Variants in FRMD7 observed in about 807,000 individuals in gnomAD.
The protein encoded by FRMD7 is FERM domain-containing protein 7.
In FRMD7, 14 loss-of-function variants were observed where a neutral mutation model predicts 44.1. The ratio of observed to expected loss-of-function variants is 0.32; its 90% CI spans 0.21 to 0.50. The LOEUF (loss-of-function observed/expected upper bound fraction) is 0.50. Among genes scored for constraint, FRMD7 ranks in the 20% least tolerant of loss-of-function variants. The probability of loss-of-function intolerance (pLI) is 0.99; values close to 1 mark genes in which losing one functional copy is unlikely to be tolerated. For missense variants in FRMD7, 501 were observed against 522.3 expected, an observed-to-expected ratio of 0.96 and a Z score of 0.40; for synonymous variants, 212 against 187.4, an observed-to-expected ratio of 1.13 and a Z score of -1.07.
At position 132,078,514 on chromosome X, in the gene FRMD7, C is replaced by T; in HGVS notation, c.1503G>A (p.Lys501=). 1.7e-6 allele frequency: 2 copies of T among 1,211,173 alleles called. No homozygotes were observed. Among genetic ancestry groups the T allele is most frequent in the Non-Finnish European group, 1.1e-6 (1 of 895,129 alleles). ...GGGACCATCTGGGCACCTGGGGTGG[C>T]TTGTCCACATAAAAAAAGACCTGGG... The part of the protein sequence containing the change: ...MPPQVFFYVD[K]PPQVPRWSPI... Residue 501 remains lysine (K), a synonymous_variant, in exon 12 of 12, where the codon AAG becomes AAA. Coordinates refer to ENST00000298542, the MANE Select transcript of FRMD7 (RefSeq NM_194277.3).
intron 1 of FRMD7, among the ~76,000 whole-genome samples, chrX:132,115,076 G>A (rs1395010451): frequency 1.8e-5 from 2 of 112,427 alleles, no homozygotes; most frequent in African/African-American, 6.5e-5. Flanking sequence ...TCCTGGGACT[G>A]CTTACAGCTC....
chrX:132,090,848 T>C (rs1390631202), intron 5 of FRMD7, among the ~76,000 whole-genome samples: 1 of 111,259 alleles, frequency 9.0e-6, no homozygotes, highest in Non-Finnish European at 1.9e-5. Flanking sequence ...TGCTTTTTTT[T>C]CTCTCCATAC....
chrX:132,078,805 C>T lies in FRMD7; in HGVS notation c.1212G>A (p.Leu404=). The T allele has an allele frequency of 1.7e-6, 2 of 1,211,144 alleles. No individual in the cohort carries two copies. The highest frequency in any genetic ancestry group is 1.1e-6 in the Non-Finnish European group (1 of 895,215). Residue 404 remains leucine, a synonymous_variant, in exon 12 of 12, where the codon TTG becomes TTA. Transcript: ENST00000298542. The stretch of plus-strand genomic sequence containing the variant: ...AGGAACTGCTTTGGGACTGATGTAG[C>T]AATGTGGGATCCGCCTCTGGTTTGG... The part of the protein sequence containing the change: ...EHSKPEADPT[L]LHQSQSSSSF...
intron 8 of FRMD7, among the ~76,000 whole-genome samples, chrX:132,082,933 A>G (rs1927865723): frequency 8.9e-6 from 1 of 112,079 alleles, no homozygotes; most frequent in Admixed American, 9.4e-5. Context: ...AAGGGTTTAT[A>G]AGATGATTAC....
At chrX:132,093,963 T>G in intron 5 of FRMD7, 79 bp downstream of exon 5, 1 of 612,237 alleles carries the variant, frequency 1.6e-6, no homozygotes. Flanking sequence ...GTGATGGGCA[T>G]GTGTGGGGAG....
chrX:132,118,882 C>T lies in FRMD7; in HGVS notation c.57+8906G>A, dbSNP rs138348880. Among the ~76,000 whole-genome samples the T allele has an allele frequency of 9.0e-5, 10 of 111,006 alleles. No homozygotes were observed. In the South Asian group the frequency reaches 1.2e-3, roughly 13 times the overall value. ...CCCACAGCCCCCCAACTCCCCAACA[C>T]ATACCTAAATAATTAGTACTGGCTA... is the stretch of plus-strand genomic sequence containing the variant. On this transcript the variant is annotated intron_variant, in intron 1 of 11. Coordinates refer to ENST00000298542, the MANE Select transcript of FRMD7 (RefSeq NM_194277.3).
At chrX:132,124,606 G>A (rs1310527934) in intron 1 of FRMD7, among the ~76,000 whole-genome samples, 1 of 112,067 alleles carries the variant, frequency 8.9e-6, no homozygotes, top group African/African-American at 3.2e-5. Flanking sequence ...TCAACACCAA[G>A]TGACTCAGAG....
intron 5 of FRMD7, among the ~76,000 whole-genome samples, chrX:132,089,177 C>A (rs1928090466): frequency 8.9e-6 from 1 of 112,064 alleles, no homozygotes; most frequent in South Asian, 3.7e-4. Context: ...AGTGAGAGTA[C>A]AGAAGTAACT....
chrX:132,101,091 A>T (rs1373575771), intron 1 of FRMD7, among the ~76,000 whole-genome samples: 1 of 110,297 alleles, frequency 9.1e-6, no homozygotes, highest in Admixed American at 9.7e-5. Flanking sequence ...ATCCAACCCT[A>T]TTACTCCCCT....
In FRMD7 at chrX:132,096,550, TAAA is replaced by T. The variant is rs767769507; in HGVS notation, c.284+713_284+715del. ...GGGCAACATAGCAAAGCCCCATCTC[TAAA>T]AAAAAAAAAAAAACCTTAAAAATTA... On this transcript the variant is annotated intron_variant, in intron 4 of 11. Transcript: ENST00000298542. Among the ~76,000 whole-genome samples, 363 of 84,184 alleles carry T rather than the reference TAAA, an allele frequency of 4.3e-3. 3 individuals carry two copies. Among genetic ancestry groups the T allele is most frequent in the African/African-American group, 0.015 (339 of 23,056 alleles). The allele number at this position is 84,184 out of a possible 115,157, so 73.1% of individuals were successfully genotyped here. A position where few individuals can be genotyped will look rare whatever the true frequency, so the allele number is the denominator to read the frequency against.
intron 1 of FRMD7, among the ~76,000 whole-genome samples, chrX:132,123,601 C>T (rs144983640): frequency 0.047 from 5,320 of 112,152 alleles, 111 homozygotes; most frequent in Middle Eastern, 0.083. Context: ...AATTCCACCA[C>T]TAATAAATTT....
intron 9 of FRMD7, 41 bp from the exon 10 acceptor site, chrX:132,080,307 A>G (rs1055380937): frequency 1.1e-6 from 1 of 879,882 alleles, no homozygotes; most frequent in Non-Finnish European, 1.7e-6. Context: ...TCTAGCCATA[A>G]ACCAATAGGC....
Position 132,094,142 on chromosome X carries a change from G to T in FRMD7, c.285-3C>A, listed in dbSNP as rs750320516. The T allele has an allele frequency of 9.7e-7, 1 of 1,035,282 alleles. No individual in the cohort carries two copies. Among genetic ancestry groups the T allele is most frequent in the Non-Finnish European group, 1.4e-6 (1 of 735,025 alleles). 85.3% of individuals were successfully genotyped at this position (1,035,282 alleles called of 1,213,427 possible). A position where few individuals can be genotyped will look rare whatever the true frequency, so the allele number is the denominator to read the frequency against. ...TTATTTGAAGAGTAAAAAGATACCTGCAAAGAAATTGGGGAGAATCTCTTG... is the reference window on the plus strand; with the variant it reads ...TTATTTGAAGAGTAAAAAGATACCTTCAAAGAAATTGGGGAGAATCTCTTG... On this transcript the variant is annotated splice_region_variant and splice_polypyrimidine_tract_variant and intron_variant, in intron 4 of 11. Coordinates refer to ENST00000298542, the MANE Select transcript of FRMD7 (RefSeq NM_194277.3).
chrX:132,084,471 T>G lies in FRMD7; in HGVS notation c.741+19A>C, dbSNP rs1458949311. The G allele has an allele frequency of 9.0e-6, 9 of 999,830 alleles. No homozygotes were observed. The highest frequency in any genetic ancestry group is 1.3e-5 in the Non-Finnish European group (9 of 703,300). 82.4% of individuals were successfully genotyped at this position (999,830 alleles called of 1,213,427 possible). On this transcript the variant is annotated intron_variant, in intron 8 of 11. Transcript: ENST00000298542. ...CCCAGTGAACAGAAAGTAAACGAATTTATTAGAAAGCTACTTACCAAGATA... is the reference window on the plus strand; with the variant it reads ...CCCAGTGAACAGAAAGTAAACGAATGTATTAGAAAGCTACTTACCAAGATA...
chrX:132,117,572 T>C (rs1377182325), intron 1 of FRMD7, among the ~76,000 whole-genome samples: 2 of 111,507 alleles, frequency 1.8e-5, no homozygotes, highest in East Asian at 5.6e-4. Flanking sequence ...AAGCAATATA[T>C]GCTTATTTAA....
At chrX:132,096,334 C>CA (rs34387435) in intron 4 of FRMD7, among the ~76,000 whole-genome samples, 34,691 of 109,775 alleles carry the variant, frequency 0.32, 4,421 homozygotes, top group African/African-American at 0.43. Flanking sequence ...TGATCTTGGA[C>CA]AGTCATTTTA....
chrX:132,085,818 G>A lies in FRMD7; in HGVS notation c.498-90C>T, dbSNP rs906970359. On this transcript the variant is annotated intron_variant, in intron 6 of 11. Transcript: ENST00000298542. ...CTCCATGAGGATCTCAGCGTTTCAT[G>A]GAGCCTGAAACTTCTCAGGTTTAAG... 1.0e-5 allele frequency: 11 copies of A among 1,067,271 alleles called. No individual in the cohort carries two copies. In the African/African-American group the frequency reaches 1.5e-4, roughly 14 times the overall value. The allele number at this position is 1,067,271 out of a possible 1,213,427, so 88.0% of individuals were successfully genotyped here. A position where few individuals can be genotyped will look rare whatever the true frequency, so the allele number is the denominator to read the frequency against.
At chrX:132,104,254 G>C (rs955347260) in intron 1 of FRMD7, among the ~76,000 whole-genome samples, 2 of 111,968 alleles carry the variant, frequency 1.8e-5, no homozygotes, top group African/African-American at 6.5e-5. Context: ...TATTCCTGGA[G>C]AGGAGATAAA....
At chrX:132,102,187 G>C (rs5933075) in intron 1 of FRMD7, among the ~76,000 whole-genome samples, 35,139 of 109,211 alleles carry the variant, frequency 0.32, 4,607 homozygotes, top group African/African-American at 0.44. Flanking sequence ...TACCTCACCC[G>C]CTTCCCCCAC....
Sources: gnomAD v4.1 joint callset for allele counts (sites outside exome capture counted in the v4.1 genomes callset) on GRCh38, gnomAD v4.1.1 for gene constraint, MANE v1.5 for transcripts, NCBI Gene and HGNC (gene_info 2026-07-23, HGNC 2026-07-21) for gene names.